RILPL1: variants seen among roughly 807,000 people sequenced by gnomAD.
RILPL1 encodes RILP-like protein 1.
RILPL1 carries 33 observed loss-of-function variants against 50.3 expected under a neutral mutation model. The observed-to-expected ratio is 0.66, with a 90% CI of 0.50 to 0.88. The LOEUF is 0.88. RILPL1 is among the 40% of genes least tolerant of loss of function. RILPL1 has a pLI of 0.00. For missense variants in RILPL1, 418 were observed against 542.5 expected, an observed-to-expected ratio of 0.77 and a Z score of 2.28; for synonymous variants, 205 against 228.6, an observed-to-expected ratio of 0.90 and a Z score of 0.93.
intron 6 of RILPL1, among the ~76,000 whole-genome samples, chr12:123,478,380 C>T (rs944878502): frequency 5.9e-5 from 9 of 152,060 alleles, no homozygotes; most frequent in Admixed American, 4.6e-4. Context: ...GAAGCCATCT[C>T]CTCTAGAGGT....
In RILPL1 at chr12:123,490,870, CCT is replaced by C. The variant is rs561258507; in HGVS notation, c.802-5067_802-5066del. Among the ~76,000 whole-genome samples the C allele has an allele frequency of 2.5e-3, 388 of 152,184 alleles. 1 individual carries two copies. The highest frequency in any genetic ancestry group is 3.5e-3 in the Non-Finnish European group (241 of 68,012). On this transcript the variant is annotated intron_variant, in intron 4 of 6. Transcript: ENST00000376874. ...GGTTCAAGTGATTCTCCTGCCTCAG[CCT>C]CTCAAGTAGCTGGGAGTACAGGCAT...
chr12:123,501,742 A>G (rs1473289234), intron 2 of RILPL1, among the ~76,000 whole-genome samples: 1 of 141,912 alleles, frequency 7.0e-6, no homozygotes, highest in African/African-American at 2.7e-5. Flanking sequence ...CCTGGGCAAC[A>G]GTTCGAGACT....
Position 123,532,711 on chromosome 12 carries a change from G to T in RILPL1, c.309+463C>A, listed in dbSNP as rs536369840. ...CTTTGCTCTGGGGAGACTGGGGGGG[G>T]GGGGGATGAAGAAAGGGTCCTGGGC... On this transcript the variant is annotated intron_variant, in intron 1 of 6. Coordinates refer to ENST00000376874, the MANE Select transcript of RILPL1 (RefSeq NM_178314.5). Among the ~76,000 whole-genome samples, 30 of 134,090 alleles carry T rather than the reference G, an allele frequency of 2.2e-4. 2 individuals are homozygous for T. Among genetic ancestry groups the T allele is most frequent in the African/African-American group, 7.1e-4 (27 of 37,972 alleles). 88.0% of individuals were successfully genotyped at this position (134,090 alleles called of 152,430 possible). A position where few individuals can be genotyped will look rare whatever the true frequency, so the allele number is the denominator to read the frequency against.
At position 123,533,503 on chromosome 12, in the gene RILPL1, C is replaced by T; in HGVS notation, c.-21G>A. 6.7e-7 allele frequency: 1 copy of T among 1,482,862 alleles called. No homozygotes were observed. The highest frequency in any genetic ancestry group is 9.0e-7 in the Non-Finnish European group (1 of 1,111,034). 91.9% of individuals were successfully genotyped at this position (1,482,862 alleles called of 1,614,324 possible). A position where few individuals can be genotyped will look rare whatever the true frequency, so the allele number is the denominator to read the frequency against. On this transcript the variant is annotated 5_prime_UTR_variant, in exon 1 of 7. Coordinates refer to ENST00000376874, the MANE Select transcript of RILPL1 (RefSeq NM_178314.5). The surrounding 1 kb of genome is among the most constrained non-coding windows in gnomAD (Gnocchi z 6.2). ...TCCATGGCCACCCTCCTGGCCTGTC[C>T]CCCGCCCCGCAAACTCGTGCAACTC...
chr12:123,478,545 C>T (rs1386653815), intron 6 of RILPL1, among the ~76,000 whole-genome samples: 6 of 115,326 alleles, frequency 5.2e-5, no homozygotes, highest in East Asian at 5.9e-4. Context: ...GTGTAATGGG[C>T]GGCTGTGAAG....
At chr12:123,484,130 C>G in intron 6 of RILPL1, 50 bp downstream of exon 6, 1 of 1,233,324 alleles carries the variant, frequency 8.1e-7, no homozygotes, top group Non-Finnish European at 1.2e-6. Context: ...TCAAAGGACA[C>G]GTGAACCGCC....
chr12:123,509,607 C>T (rs1448942394), intron 2 of RILPL1, among the ~76,000 whole-genome samples: 1 of 151,606 alleles, frequency 6.6e-6, no homozygotes, highest in Non-Finnish European at 1.5e-5. Context: ...CATGCTGCCA[C>T]GTGGATGAAC....
At position 123,470,448 on chromosome 12, in the gene RILPL1, AG is replaced by A. The variant is rs1881133084; in HGVS notation, c.*2089del. Reference sequence around the variant, plus strand: ...TGATAGTGCCACTGTACTCCAGCCTAGGTGACAGAGTGAGACCCTGTGTCCA... The same window carrying A: ...TGATAGTGCCACTGTACTCCAGCCTAGTGACAGAGTGAGACCCTGTGTCCA... On this transcript the variant is annotated 3_prime_UTR_variant, in exon 7 of 7. Transcript: ENST00000376874. The A allele has an allele frequency of 8.1e-6, 1 of 123,186 alleles. No homozygotes were observed. The highest frequency in any genetic ancestry group is 1.6e-5 in the Non-Finnish European group (1 of 62,624). The allele number at this position is 123,186 out of a possible 1,614,324, so 7.6% of individuals were successfully genotyped here.
At chr12:123,512,753 GTGT>G (rs1369392837) in intron 2 of RILPL1, among the ~76,000 whole-genome samples, 2 of 143,532 alleles carry the variant, frequency 1.4e-5, no homozygotes, top group Admixed American at 7.0e-5. Flanking sequence ...TTGTGTGTGT[GTGT>G]GGTATGTGTG....
At chr12:123,502,737 C>G (rs1426438888) in intron 2 of RILPL1, among the ~76,000 whole-genome samples, 1 of 152,202 alleles carries the variant, frequency 6.6e-6, no homozygotes, top group African/African-American at 2.4e-5. Context: ...GTTTCCTGCA[C>G]CTGCTGTAAC....
intron 4 of RILPL1, among the ~76,000 whole-genome samples, chr12:123,490,666 G>A (rs906880595): frequency 1.3e-4 from 19 of 151,814 alleles, no homozygotes; most frequent in African/African-American, 4.4e-4. Flanking sequence ...TCGGACTCCC[G>A]GGCTTAAACA....
chr12:123,481,653 T>A (rs1882010658), intron 6 of RILPL1, among the ~76,000 whole-genome samples: 1 of 151,440 alleles, frequency 6.6e-6, no homozygotes, highest in Non-Finnish European at 1.5e-5. Context: ...GTCTCCCAGG[T>A]TCAAGCGATT....
intron 2 of RILPL1, 119 bp downstream of exon 2, chr12:123,523,376 G>T: frequency 8.5e-7 from 1 of 1,182,654 alleles, no homozygotes; most frequent in Non-Finnish European, 1.2e-6. Context: ...AGAAGGCAAA[G>T]GGCTTTGGGA....
At chr12:123,520,707 G>A (rs1340566664) in intron 2 of RILPL1, among the ~76,000 whole-genome samples, 2 of 152,156 alleles carry the variant, frequency 1.3e-5, no homozygotes, top group Non-Finnish European at 2.9e-5. Flanking sequence ...GCAGGGAGAC[G>A]CAAGCCCCAG....
intron 6 of RILPL1, among the ~76,000 whole-genome samples, chr12:123,482,934 C>T (rs1223758616): frequency 6.6e-6 from 1 of 152,046 alleles, no homozygotes; most frequent in African/African-American, 2.4e-5. Context: ...AGGAGAGGGC[C>T]CAGCAGTGAC....
chr12:123,506,851 G>A (rs1368046107), intron 2 of RILPL1, among the ~76,000 whole-genome samples: 1 of 152,160 alleles, frequency 6.6e-6, no homozygotes, highest in African/African-American at 2.4e-5. Flanking sequence ...TGGGGGGCAT[G>A]AGTGCAGCCC....
intron 2 of RILPL1, among the ~76,000 whole-genome samples, chr12:123,505,031 GTTTT>G (rs1416434206): frequency 8.7e-6 from 1 of 114,886 alleles, no homozygotes; most frequent in Non-Finnish European, 1.8e-5. Context: ...CACCCATCAA[GTTTT>G]TTTGTTTTTT....
At chr12:123,475,895 A>G (rs1463752285) in intron 6 of RILPL1, 2 of 524,556 alleles carry the variant, frequency 3.8e-6, no homozygotes, top group Non-Finnish European at 6.6e-6. Flanking sequence ...AATTCACTTA[A>G]AATTTTTTTT....
chr12:123,520,113 T>C (rs1052254276), intron 2 of RILPL1, among the ~76,000 whole-genome samples: 8 of 152,146 alleles, frequency 5.3e-5, no homozygotes, highest in African/African-American at 1.4e-4. Flanking sequence ...ACTGAAAACA[T>C]AGGTCCACAC....
Sources: allele counts gnomAD v4.1 joint callset (sites outside exome capture counted in the v4.1 genomes callset), GRCh38; gene constraint gnomAD v4.1.1; non-coding constraint Gnocchi (gnomAD v3.1); transcripts MANE v1.5; gene names NCBI Gene and HGNC (gene_info 2026-07-23, HGNC 2026-07-21).